YARS1: variants seen among roughly 807,000 people sequenced by gnomAD.
YARS1 encodes the protein tyrosyl-tRNA synthetase 1.
YARS1 carries 36 observed loss-of-function variants against 62.2 expected under a neutral mutation model. That is an observed-to-expected ratio of 0.58 (90% confidence interval 0.44 to 0.76). The LOEUF (loss-of-function observed/expected upper bound fraction) is 0.76, where lower values mean the gene tolerates loss of function less well. YARS1 is among the 30% of genes least tolerant of loss of function. The pLI, the probability that YARS1 is intolerant of heterozygous loss-of-function variation, is 0.00. For synonymous variants in YARS1, 234 were observed against 244.9 expected, an observed-to-expected ratio of 0.96 and a Z score of 0.42; for missense variants, 524 against 639.8, an observed-to-expected ratio of 0.82 and a Z score of 1.95.
chr1:32,800,220 G>A (rs1053596890), intron 4 of YARS1, among the ~76,000 whole-genome samples: 1 of 152,056 alleles, frequency 6.6e-6, no homozygotes, highest in Non-Finnish European at 1.5e-5. Context: ...AACCTCAAGT[G>A]ATCTGCCTGT....
chr1:32,779,257 G>A (rs1652976695), intron 12 of YARS1, 125 bp downstream of exon 12: 1 of 1,500,546 alleles, frequency 6.7e-7, no homozygotes, highest in Admixed American at 1.7e-5. Context: ...AAAGAAGGAG[G>A]GAGAGAGGGG....
chr1:32,804,881 C>T (rs1305850835), intron 4 of YARS1, among the ~76,000 whole-genome samples: 3 of 152,054 alleles, frequency 2.0e-5, no homozygotes, highest in Non-Finnish European at 4.4e-5. Context: ...CCAAGGCAGG[C>T]GGCTGGGAGG....
intron 4 of YARS1, among the ~76,000 whole-genome samples, chr1:32,803,917 T>C (rs1446841731): frequency 2.6e-5 from 4 of 152,170 alleles, no homozygotes; most frequent in Admixed American, 6.5e-5. Context: ...CCCTGGGTAC[T>C]TGAGATTAGG....
At position 32,810,670 on chromosome 1, in the gene YARS1, T is replaced by C; in HGVS notation, c.301A>G (p.Ile101Val). 2 of 1,614,082 alleles carry C rather than the reference T, an allele frequency of 1.2e-6. No homozygotes were observed. Among genetic ancestry groups the C allele is most frequent in the Non-Finnish European group, 1.7e-6 (2 of 1,180,022 alleles). Residue 101 changes from isoleucine (I) to valine (V), a missense_variant, in exon 3 of 13, where the codon ATC (isoleucine) becomes GTC (valine). By Grantham distance (29) the Ile-to-Val change is conservative. Transcript: ENST00000373477. ...CCAATGCTCTCCAGCATTGCTTTGATCACATTCTCATAGTAACTGACTCGG... is the reference window on the plus strand; with the variant it reads ...CCAATGCTCTCCAGCATTGCTTTGACCACATTCTCATAGTAACTGACTCGG... The part of the protein sequence containing the change: ...ELRVSYYENV[I>V]KAMLESIGVP...
At chr1:32,810,001 G>A (rs1318937046) in intron 3 of YARS1, among the ~76,000 whole-genome samples, 2 of 151,870 alleles carry the variant, frequency 1.3e-5, no homozygotes, top group African/African-American at 2.4e-5. Context: ...AGGTACTCAG[G>A]AGGCTGAGGG....
intron 1 of YARS1, 44 bp downstream of exon 1, chr1:32,817,144 G>T: frequency 1.9e-6 from 3 of 1,611,502 alleles, no homozygotes; most frequent in Non-Finnish European, 2.5e-6. Flanking sequence ...CTGAACCTCG[G>T]GCTCCTAATC....
chr1:32,801,397 A>C (rs573441222), intron 4 of YARS1, among the ~76,000 whole-genome samples: 1 of 152,322 alleles, frequency 6.6e-6, no homozygotes, highest in South Asian at 2.1e-4. Flanking sequence ...ATAGCGTTAC[A>C]TCTACAAAAA....
chr1:32,800,468 TG>T, intron 4 of YARS1, among the ~76,000 whole-genome samples: 1 of 152,296 alleles, frequency 6.6e-6, no homozygotes, highest in East Asian at 1.9e-4. Context: ...AGTGAGACCC[TG>T]TCTCTACAAA....
chr1:32,784,649 C>G (rs1217311638), intron 8 of YARS1, among the ~76,000 whole-genome samples: 1 of 152,010 alleles, frequency 6.6e-6, no homozygotes, highest in Admixed American at 6.6e-5. Context: ...TAATCATTTC[C>G]TCCTATATTA....
At chr1:32,789,615 G>A (rs1021380197) in intron 6 of YARS1, among the ~76,000 whole-genome samples, 1 of 149,484 alleles carries the variant, frequency 6.7e-6, no homozygotes, top group African/African-American at 2.5e-5. Context: ...TTAAGACGGA[G>A]TCTCACTCTG....
chr1:32,812,532 G>T (rs888910938), intron 1 of YARS1, among the ~76,000 whole-genome samples: 2 of 152,142 alleles, frequency 1.3e-5, no homozygotes, highest in Non-Finnish European at 2.9e-5. Flanking sequence ...ACTCTCTTGT[G>T]GGGGGAAATT....
At chr1:32,789,276 C>A (rs1242734976) in intron 6 of YARS1, among the ~76,000 whole-genome samples, 3 of 152,218 alleles carry the variant, frequency 2.0e-5, no homozygotes, top group African/African-American at 7.2e-5. Context: ...TCTCTAGAAT[C>A]ATTTCCTTAA....
At chr1:32,785,288 C>T (rs1214166177) in intron 8 of YARS1, among the ~76,000 whole-genome samples, 1 of 151,952 alleles carries the variant, frequency 6.6e-6, no homozygotes, top group Admixed American at 6.6e-5. Context: ...GGTGAAACCC[C>T]GTCTCTACTA....
chr1:32,811,101 C>G (rs763529284), intron 1 of YARS1, 44 bp from the exon 2 acceptor site: 1 of 1,612,610 alleles, frequency 6.2e-7, no homozygotes, highest in Non-Finnish European at 8.5e-7. Context: ...AGTGCCTCAC[C>G]TTGCTCATCC....
intron 11 of YARS1, 60 bp downstream of exon 11, chr1:32,780,025 T>C (rs1322920980): frequency 1.3e-6 from 2 of 1,599,776 alleles, no homozygotes; most frequent in South Asian, 1.1e-5. Flanking sequence ...TCATATGGGC[T>C]GATTCCCTAC....
At chr1:32,817,019 G>C in intron 1 of YARS1, 169 bp downstream of exon 1, 1 of 822,654 alleles carries the variant, frequency 1.2e-6, no homozygotes, top group Non-Finnish European at 2.0e-6. Flanking sequence ...CCCAGGGAAG[G>C]GCTGCTTGAT....
chr1:32,798,356 G>C (rs1033118317), intron 4 of YARS1: 4 of 169,812 alleles, frequency 2.4e-5, no homozygotes, highest in Admixed American at 1.1e-4. Flanking sequence ...GGATGTCATG[G>C]GATAAAAAAA....
At chr1:32,801,783 C>T (rs191575082) in intron 4 of YARS1, among the ~76,000 whole-genome samples, 240 of 152,258 alleles carry the variant, frequency 1.6e-3, no homozygotes, top group African/African-American at 5.3e-3. Context: ...ATTTCAACAA[C>T]GTTCACAGAA....
intron 3 of YARS1, 110 bp from the exon 4 acceptor site, chr1:32,806,721 T>C: frequency 6.9e-7 from 1 of 1,456,448 alleles, no homozygotes; most frequent in East Asian, 2.3e-5. Context: ...TAACCAGGGA[T>C]CTCGGTTTTA....
Sources: allele counts gnomAD v4.1 joint callset (sites outside exome capture counted in the v4.1 genomes callset), GRCh38; gene constraint gnomAD v4.1.1; transcripts MANE v1.5; gene names NCBI Gene and HGNC (gene_info 2026-07-23, HGNC 2026-07-21).